The following DLG2 variants were observed in gnomAD, a reference collection of about 807,000 sequenced individuals.
DLG2 encodes discs large MAGUK scaffold protein 2.
Under a neutral mutation model 132.5 loss-of-function variants are expected in DLG2, and 45 were observed. That is an observed-to-expected ratio of 0.34 (90% confidence interval 0.27 to 0.44). DLG2 has a LOEUF of 0.44. Among genes scored for constraint, DLG2 ranks in the 20% least tolerant of loss-of-function variants. The pLI, the probability that DLG2 is intolerant of heterozygous loss-of-function variation, is 1.00. For synonymous variants in DLG2, 424 were observed against 419.6 expected (o/e 1.01, Z -0.13); for missense variants, 1,045 against 1,196.9 (o/e 0.87, Z 1.87).
intron 3 of DLG2, among the ~76,000 whole-genome samples, chr11:85,341,471 T>A (rs2082497847): frequency 6.6e-6 from 1 of 152,206 alleles, no homozygotes; most frequent in African/African-American, 2.4e-5. Context: ...AAAGACAGTT[T>A]TATTGTTTCA....
intron 7 of DLG2, among the ~76,000 whole-genome samples, chr11:84,256,553 T>C (rs2097474760): frequency 6.6e-6 from 1 of 152,140 alleles, no homozygotes; most frequent in African/African-American, 2.4e-5. Context: ...ACCCGGGACA[T>C]GCAAATGGAA....
intron 8 of DLG2, among the ~76,000 whole-genome samples, chr11:84,222,207 T>C (rs997772895): frequency 7.2e-5 from 11 of 152,112 alleles, no homozygotes; most frequent in Non-Finnish European, 1.2e-4. Flanking sequence ...TAATTTTTTG[T>C]ATTTAGTAGA....
intron 8 of DLG2, among the ~76,000 whole-genome samples, chr11:84,237,685 A>G: frequency 6.6e-6 from 1 of 152,180 alleles, no homozygotes; most frequent in East Asian, 1.9e-4. Context: ...ACAAACTTGG[A>G]ACTTCCAAGT....
At chr11:84,707,064 C>T (rs1032218927) in intron 6 of DLG2, among the ~76,000 whole-genome samples, 7 of 151,680 alleles carry the variant, frequency 4.6e-5, no homozygotes, top group African/African-American at 1.7e-4. Context: ...TCAGAAAAAT[C>T]TGAAAGTTAT....
At chr11:83,764,685 G>A (rs1212156869) in intron 18 of DLG2, among the ~76,000 whole-genome samples, 1 of 152,212 alleles carries the variant, frequency 6.6e-6, no homozygotes, top group Non-Finnish European at 1.5e-5. Flanking sequence ...ACCAAGAGGT[G>A]AAGTGCCTTT....
At chr11:84,518,038 T>C (rs2099279055) in intron 7 of DLG2, among the ~76,000 whole-genome samples, 2 of 151,776 alleles carry the variant, frequency 1.3e-5, no homozygotes, top group Admixed American at 6.6e-5. Context: ...TGTCAAAGGA[T>C]ACAAAATTTT....
intron 10 of DLG2, among the ~76,000 whole-genome samples, chr11:84,064,699 T>C (rs954240560): frequency 6.6e-6 from 1 of 151,834 alleles, no homozygotes; most frequent in South Asian, 2.1e-4. Flanking sequence ...AAAGAGACTA[T>C]AGTGAGGGAA....
At chr11:85,091,284 T>A (rs1208785755) in intron 6 of DLG2, among the ~76,000 whole-genome samples, 1 of 152,170 alleles carries the variant, frequency 6.6e-6, no homozygotes, top group Admixed American at 6.5e-5. Context: ...AGGTATACAT[T>A]TGAATTAAAA....
At chr11:84,216,349 C>T (rs942300750) in intron 8 of DLG2, among the ~76,000 whole-genome samples, 1 of 152,086 alleles carries the variant, frequency 6.6e-6, no homozygotes, top group Admixed American at 6.6e-5. Flanking sequence ...ATAATTATGT[C>T]TGCAAATTCC....
chr11:84,056,053 C>A (rs752653084), intron 11 of DLG2, among the ~76,000 whole-genome samples: 1 of 151,942 alleles, frequency 6.6e-6, no homozygotes, highest in Non-Finnish European at 1.5e-5. Flanking sequence ...ATAAACTATG[C>A]ACATGTTAAG....
chr11:83,514,719 A>G (rs990723569), intron 21 of DLG2, among the ~76,000 whole-genome samples: 12 of 152,084 alleles, frequency 7.9e-5, no homozygotes, highest in Non-Finnish European at 1.3e-4. Flanking sequence ...TACCTAATTT[A>G]TTGAGAGTTT....
Position 85,233,065 on chromosome 11 carries a change from T to C in DLG2, c.186+52155A>G, listed in dbSNP as rs78745563. 3.9e-3 allele frequency among the ~76,000 whole-genome samples: 600 copies of C among 152,054 alleles called. 4 individuals carry two copies. Among genetic ancestry groups the C allele is most frequent in the African/African-American group, 0.014 (574 of 41,550 alleles). ...TACTTTTTGTACCTGTGATTTCTTTTAGTTGCAATAGTTTGGTAGATTTCA... is the reference window on the plus strand; with the variant it reads ...TACTTTTTGTACCTGTGATTTCTTTCAGTTGCAATAGTTTGGTAGATTTCA... On this transcript the variant is annotated intron_variant, in intron 4 of 27. Coordinates refer to ENST00000376104, the MANE Select transcript of DLG2 (RefSeq NM_001142699.3).
At chr11:84,032,115 A>C (rs2095714574) in intron 11 of DLG2, among the ~76,000 whole-genome samples, 1 of 152,152 alleles carries the variant, frequency 6.6e-6, no homozygotes, top group Non-Finnish European at 1.5e-5. Flanking sequence ...CAAGACCCCG[A>C]GGCTAAATAA....
chr11:84,358,622 A>G (rs1335062616), intron 7 of DLG2, among the ~76,000 whole-genome samples: 1 of 151,904 alleles, frequency 6.6e-6, no homozygotes, highest in Non-Finnish European at 1.5e-5. Flanking sequence ...CTTGGCTATT[A>G]TCACACATAC....
rs117162095 is a variant in DLG2, at chr11:84,543,514, G to A, written c.358-8783C>T. 2.5e-3 allele frequency among the ~76,000 whole-genome samples: 377 copies of A among 152,138 alleles called. 1 individual carries two copies. The highest frequency in any genetic ancestry group is 9.2e-3 in the Admixed American group (141 of 15,286). ...TCGCTGGATGTTTGTCTCCTCCACT[G>A]AACTAACCGTCCCCGCCCCTCTCCC... On this transcript the variant is annotated intron_variant, in intron 6 of 27. Coordinates refer to ENST00000376104, the MANE Select transcript of DLG2 (RefSeq NM_001142699.3).
chr11:83,859,335 A>G (rs938144506), intron 16 of DLG2, among the ~76,000 whole-genome samples: 2 of 152,210 alleles, frequency 1.3e-5, no homozygotes, highest in Non-Finnish European at 2.9e-5. Context: ...GGTTTTGACC[A>G]AAATGCTGAT....
At chr11:83,490,860 T>G (rs2093799929) in intron 21 of DLG2, among the ~76,000 whole-genome samples, 1 of 151,994 alleles carries the variant, frequency 6.6e-6, no homozygotes, top group African/African-American at 2.4e-5. Context: ...ACCAACAGAA[T>G]GCAATGTGTA....
intron 16 of DLG2, among the ~76,000 whole-genome samples, chr11:83,874,213 GA>G (rs1425330227): frequency 1.7e-3 from 120 of 69,478 alleles, no homozygotes; most frequent in African/African-American, 7.7e-3. Context: ...AAGAAAGACA[GA>G]AAAAAAGAAA....
At chr11:83,604,115 T>TTAAAC (rs566694998) in intron 19 of DLG2, among the ~76,000 whole-genome samples, 22 of 152,188 alleles carry the variant, frequency 1.4e-4, no homozygotes, top group Non-Finnish European at 2.1e-4. Context: ...GAAAAGCTAA[T>TTAAAC]TAAACTAAAC....
Sources: gnomAD v4.1 joint callset for allele counts (sites outside exome capture counted in the v4.1 genomes callset) on GRCh38, gnomAD v4.1.1 for gene constraint, MANE v1.5 for transcripts, NCBI Gene and HGNC (gene_info 2026-07-23, HGNC 2026-07-21) for gene names.